MLLT3: variants seen among roughly 807,000 people sequenced by gnomAD.
The protein encoded by MLLT3 is protein AF-9.
In MLLT3, 4 loss-of-function variants were observed where a neutral mutation model predicts 53.2. That is an observed-to-expected ratio of 0.08 (90% CI 0.04 to 0.17). The LOEUF is 0.17. Among genes scored for constraint, MLLT3 ranks in the 10% least tolerant of loss-of-function variants. MLLT3 has a pLI of 1.00. For synonymous variants in MLLT3, 283 were observed against 230.6 expected, an observed-to-expected ratio of 1.23 and a Z score of -2.06; for missense variants, 569 against 684.0, an observed-to-expected ratio of 0.83 and a Z score of 1.87.
intron 2 of MLLT3, among the ~76,000 whole-genome samples, chr9:20,484,103 T>C (rs915261341): frequency 6.6e-6 from 1 of 151,528 alleles, no homozygotes; most frequent in African/African-American, 2.4e-5. Flanking sequence ...AATACAATAG[T>C]GATATAACTA....
At chr9:20,355,632 A>T (rs1295173596) in intron 8 of MLLT3, among the ~76,000 whole-genome samples, 15 of 152,226 alleles carry the variant, frequency 9.9e-5, no homozygotes, top group Admixed American at 9.8e-4. Context: ...ATTAAAAGGG[A>T]AGTATTTTTA....
intron 2 of MLLT3, among the ~76,000 whole-genome samples, chr9:20,460,324 G>A (rs979843947): frequency 1.3e-5 from 2 of 152,150 alleles, no homozygotes; most frequent in African/African-American, 2.4e-5. Flanking sequence ...AGAAGCTACT[G>A]AATGAATATT....
At chr9:20,484,971 ATTTTAT>A (rs1277789750) in intron 2 of MLLT3, among the ~76,000 whole-genome samples, 1 of 151,798 alleles carries the variant, frequency 6.6e-6, no homozygotes, top group Non-Finnish European at 1.5e-5. Context: ...AAAATCTGTA[ATTTTAT>A]TTTTATTTTT....
chr9:20,369,752 T>TAC, intron 5 of MLLT3, among the ~76,000 whole-genome samples: 1 of 152,272 alleles, frequency 6.6e-6, no homozygotes, highest in Non-Finnish European at 1.5e-5. Flanking sequence ...TCACTTGCTC[T>TAC]ACACACACAA....
intron 4 of MLLT3, among the ~76,000 whole-genome samples, chr9:20,418,934 G>T (rs2118788410): frequency 6.6e-6 from 1 of 152,270 alleles, no homozygotes; most frequent in Non-Finnish European, 1.5e-5. Context: ...ACAAGAAATA[G>T]ATAATATGCT....
At chr9:20,582,542 T>G (rs1457907980) in intron 2 of MLLT3, among the ~76,000 whole-genome samples, 2 of 152,174 alleles carry the variant, frequency 1.3e-5, no homozygotes, top group African/African-American at 4.8e-5. Flanking sequence ...TGCACTTGTA[T>G]CAGTCCTGTT....
chr9:20,551,929 C>G (rs7868755), intron 2 of MLLT3, among the ~76,000 whole-genome samples: 1 of 152,198 alleles, frequency 6.6e-6, no homozygotes, highest in African/African-American at 2.4e-5. Context: ...CATCCCCCTA[C>G]GTGCACAAAC....
chr9:20,436,840 G>A (rs1224655925), intron 4 of MLLT3, among the ~76,000 whole-genome samples: 1 of 152,086 alleles, frequency 6.6e-6, no homozygotes, highest in African/African-American at 2.4e-5. Flanking sequence ...CACATGCCCA[G>A]AATCTAAATG....
Position 20,346,594 on chromosome 9 carries a change from A to G in MLLT3, c.1576-20T>C, listed in dbSNP as rs1820876264. 3 of 1,609,170 alleles carry G rather than the reference A, an allele frequency of 1.9e-6. No homozygotes were observed. In the African/African-American group the frequency reaches 4.0e-5, roughly 22 times the overall value. On this transcript the variant is annotated intron_variant, in intron 10 of 10. Coordinates refer to ENST00000380338, the MANE Select transcript of MLLT3 (RefSeq NM_004529.4). ...CACGATCTAGAGGAGTGAAGAAGAG[A>G]AAGTTTGGGCAATACGCAGCAAACA...
At chr9:20,578,024 A>C (rs544454876) in intron 2 of MLLT3, among the ~76,000 whole-genome samples, 1 of 152,280 alleles carries the variant, frequency 6.6e-6, no homozygotes, top group Admixed American at 6.5e-5. Flanking sequence ...GCTATCAACA[A>C]CTGAATCCAG....
intron 2 of MLLT3, among the ~76,000 whole-genome samples, chr9:20,576,045 G>T (rs1239832527): frequency 6.6e-6 from 1 of 152,180 alleles, no homozygotes; most frequent in Non-Finnish European, 1.5e-5. Flanking sequence ...ATCTTAGCTA[G>T]ATCTTCTGGA....
intron 2 of MLLT3, among the ~76,000 whole-genome samples, chr9:20,571,876 CA>C (rs778446661): frequency 4.2e-4 from 64 of 152,158 alleles, no homozygotes; most frequent in Non-Finnish European, 6.8e-4. Context: ...CAAAAGATAA[CA>C]AGTATTGGCA....
At chr9:20,586,264 G>C (rs1819957909) in intron 2 of MLLT3, among the ~76,000 whole-genome samples, 1 of 151,940 alleles carries the variant, frequency 6.6e-6, no homozygotes, top group East Asian at 1.9e-4. Flanking sequence ...AGGCTGCAGT[G>C]AACCATGATC....
intron 2 of MLLT3, among the ~76,000 whole-genome samples, chr9:20,541,532 C>T (rs1402701474): frequency 6.6e-6 from 1 of 152,192 alleles, no homozygotes; most frequent in Non-Finnish European, 1.5e-5. Context: ...GGAGAGACAG[C>T]ACAAAGGAGG....
At chr9:20,602,856 T>C (rs2131199559) in intron 2 of MLLT3, among the ~76,000 whole-genome samples, 2 of 152,256 alleles carry the variant, frequency 1.3e-5, no homozygotes, top group East Asian at 3.9e-4. Context: ...CATGTCACTT[T>C]TTAATTCCTC....
chr9:20,526,012 G>A (rs1818191587), intron 2 of MLLT3, among the ~76,000 whole-genome samples: 1 of 152,158 alleles, frequency 6.6e-6, no homozygotes, highest in African/African-American at 2.4e-5. Context: ...GGGAAGCATT[G>A]CTTTGGAGAA....
intron 2 of MLLT3, among the ~76,000 whole-genome samples, chr9:20,589,126 G>T (rs10811373): frequency 2.1e-5 from 3 of 143,784 alleles, no homozygotes; most frequent in Non-Finnish European, 1.5e-5. Flanking sequence ...CTATAAAGAC[G>T]CATGCACACG....
At chr9:20,488,193 G>A (rs1467405746) in intron 2 of MLLT3, among the ~76,000 whole-genome samples, 1 of 152,074 alleles carries the variant, frequency 6.6e-6, no homozygotes, top group African/African-American at 2.4e-5. Flanking sequence ...GTGGTTGCCA[G>A]GGGTCAGAAG....
chr9:20,462,759 C>T (rs1413219795), intron 2 of MLLT3, among the ~76,000 whole-genome samples: 1 of 152,124 alleles, frequency 6.6e-6, no homozygotes, highest in Non-Finnish European at 1.5e-5. Flanking sequence ...TGCTGTTTCC[C>T]ACACCTCCTC....
Sources: allele counts gnomAD v4.1 joint callset (sites outside exome capture counted in the v4.1 genomes callset), GRCh38; gene constraint gnomAD v4.1.1; transcripts MANE v1.5; gene names NCBI Gene and HGNC (gene_info 2026-07-23, HGNC 2026-07-21).